Variants in EXOC2 observed in about 807,000 individuals in gnomAD.
EXOC2 encodes exocyst complex component 2.
Under a neutral mutation model 131.8 loss-of-function variants are expected in EXOC2, and 70 were observed. That is an observed-to-expected ratio of 0.53 (90% CI 0.44 to 0.65). The LOEUF (loss-of-function observed/expected upper bound fraction) is 0.65, where lower values mean the gene tolerates loss of function less well. Ranked by LOEUF, EXOC2 falls within the 30% of genes least tolerant of loss-of-function variation. The pLI is 0.00. For synonymous variants in EXOC2, 411 were observed against 398.4 expected (o/e 1.03, Z -0.38); for missense variants, 923 against 1,108.6 (o/e 0.83, Z 2.38).
At chr6:542,059 A>G (rs990715404) in intron 22 of EXOC2, among the ~76,000 whole-genome samples, 1 of 152,266 alleles carries the variant, frequency 6.6e-6, no homozygotes, top group African/African-American at 2.4e-5. Flanking sequence ...AAAGTCAAAA[A>G]AGGTAATTTC....
chr6:572,450 A>T, intron 13 of EXOC2, 70 bp downstream of exon 13: 1 of 1,528,788 alleles, frequency 6.5e-7, no homozygotes, highest in Non-Finnish European at 8.8e-7. Context: ...AAATCACTTA[A>T]ATCTAACATT....
At chr6:626,716 C>T (rs1484462096) in intron 4 of EXOC2, among the ~76,000 whole-genome samples, 2 of 152,088 alleles carry the variant, frequency 1.3e-5, no homozygotes, top group Non-Finnish European at 2.9e-5. Context: ...CTCAGCCTCC[C>T]AAGTAGCTGA....
At chr6:553,378 T>A (rs536045098) in intron 21 of EXOC2, among the ~76,000 whole-genome samples, 29 of 116,968 alleles carry the variant, frequency 2.5e-4, no homozygotes, top group Non-Finnish European at 4.0e-4. Flanking sequence ...TGCATACATC[T>A]GTTTGTGTAT....
chr6:486,443 G>C lies in EXOC2; in HGVS notation c.*228C>G. On this transcript the variant is annotated 3_prime_UTR_variant, in exon 28 of 28. Coordinates refer to ENST00000230449, the MANE Select transcript of EXOC2 (RefSeq NM_018303.6). Reference sequence around the variant, plus strand: ...AATATATTTTAAAATGTATTTTAAAGTCATACAGGATCTGATCTAGTAAGA... The same window carrying C: ...AATATATTTTAAAATGTATTTTAAACTCATACAGGATCTGATCTAGTAAGA... 1 of 448,020 alleles carries C rather than the reference G, an allele frequency of 2.2e-6. No individual in the cohort carries two copies. The allele number at this position is 448,020 out of a possible 1,614,324, so 27.8% of individuals were successfully genotyped here.
chr6:554,517 G>A (rs1320243412), intron 20 of EXOC2, among the ~76,000 whole-genome samples: 1 of 152,004 alleles, frequency 6.6e-6, no homozygotes, highest in African/African-American at 2.4e-5. Context: ...GAAAACCTAG[G>A]AGAATTAAAA....
Position 598,327 on chromosome 6 carries a change from C to A in EXOC2, c.971-204G>T, listed in dbSNP as rs150854350. Among the ~76,000 whole-genome samples, 781 of 152,238 alleles carry A rather than the reference C, an allele frequency of 5.1e-3. 5 individuals are homozygous for A. The highest frequency in any genetic ancestry group is 0.018 in the African/African-American group (737 of 41,520). On this transcript the variant is annotated intron_variant, in intron 9 of 27. Coordinates refer to ENST00000230449, the MANE Select transcript of EXOC2 (RefSeq NM_018303.6). Reference sequence around the variant, plus strand: ...CTCACTGACCTCTAACATGTGAGGTCTGTACATTTCACTGCATGTATATTT... The same window carrying A: ...CTCACTGACCTCTAACATGTGAGGTATGTACATTTCACTGCATGTATATTT...
At chr6:534,977 A>G (rs1205790424) in intron 22 of EXOC2, among the ~76,000 whole-genome samples, 1 of 152,250 alleles carries the variant, frequency 6.6e-6, no homozygotes, top group Non-Finnish European at 1.5e-5. Flanking sequence ...AAAATCTGCA[A>G]GAGAGAACCA....
chr6:554,016 A>C, intron 20 of EXOC2, 96 bp from the exon 21 acceptor site: 1 of 941,414 alleles, frequency 1.1e-6, no homozygotes, highest in Non-Finnish European at 1.7e-6. Context: ...AATGAATTAT[A>C]TGGAAAACAT....
chr6:647,275 A>G (rs950267043), intron 1 of EXOC2, among the ~76,000 whole-genome samples: 1 of 152,104 alleles, frequency 6.6e-6, no homozygotes, highest in African/African-American at 2.4e-5. Context: ...GAAAAACAGT[A>G]GTATTAAAAC....
intron 1 of EXOC2, chr6:669,063 G>C (rs188126357): frequency 2.6e-5 from 4 of 152,356 alleles, no homozygotes; most frequent in African/African-American, 7.2e-5. Context: ...TTTGCTCCTC[G>C]AGGACAAGTA....
At chr6:552,450 A>T (rs547338681) in intron 21 of EXOC2, among the ~76,000 whole-genome samples, 1 of 152,344 alleles carries the variant, frequency 6.6e-6, no homozygotes, top group South Asian at 2.1e-4. Context: ...CAGAAGAACC[A>T]GCATTTTTCT....
intron 27 of EXOC2, among the ~76,000 whole-genome samples, chr6:488,127 C>T (rs745586267): frequency 7.2e-5 from 11 of 152,148 alleles, no homozygotes; most frequent in African/African-American, 1.2e-4. Context: ...GGCGGGGCGG[C>T]GATGCCCCCG....
intron 1 of EXOC2, among the ~76,000 whole-genome samples, chr6:664,578 T>C (rs1763556382): frequency 6.6e-6 from 1 of 152,144 alleles, no homozygotes; most frequent in African/African-American, 2.4e-5. Flanking sequence ...GTGGTACTGG[T>C]ATAAAAACAG....
intron 1 of EXOC2, among the ~76,000 whole-genome samples, chr6:660,389 G>A (rs558961416): frequency 3.7e-4 from 56 of 152,294 alleles, no homozygotes; most frequent in African/African-American, 1.3e-3. Context: ...CCCTCAGGGA[G>A]TCCATTGCAC....
At chr6:497,183 C>T (rs1450237532) in intron 25 of EXOC2, among the ~76,000 whole-genome samples, 184 bp downstream of exon 25, 1 of 152,200 alleles carries the variant, frequency 6.6e-6, no homozygotes, top group Non-Finnish European at 1.5e-5. Context: ...TGTAAAGAAA[C>T]AGAAACTCTG....
intron 13 of EXOC2, among the ~76,000 whole-genome samples, chr6:570,051 G>A (rs1226050911): frequency 6.6e-6 from 1 of 152,050 alleles, no homozygotes; most frequent in Non-Finnish European, 1.5e-5. Flanking sequence ...CCACTTGTAG[G>A]AACTGATGCA....
chr6:670,064 C>A (rs1317069602), intron 1 of EXOC2: 1 of 152,356 alleles, frequency 6.6e-6, no homozygotes, highest in Admixed American at 6.5e-5. Context: ...TCACCGACCA[C>A]TGCACAGAGA....
At chr6:660,952 G>GA (rs376761094) in intron 1 of EXOC2, among the ~76,000 whole-genome samples, 147 of 152,138 alleles carry the variant, frequency 9.7e-4, no homozygotes, top group African/African-American at 3.3e-3. Flanking sequence ...ATAGCTTAAA[G>GA]AAAAAACAAT....
chr6:581,874 T>C (rs1228808508), intron 11 of EXOC2, among the ~76,000 whole-genome samples: 1 of 152,152 alleles, frequency 6.6e-6, no homozygotes, highest in Non-Finnish European at 1.5e-5. Flanking sequence ...ATCCTCAAAA[T>C]TCCTTTTCTA....
Sources: gnomAD v4.1 joint callset for allele counts (sites outside exome capture counted in the v4.1 genomes callset) on GRCh38, gnomAD v4.1.1 for gene constraint, MANE v1.5 for transcripts, NCBI Gene and HGNC (gene_info 2026-07-23, HGNC 2026-07-21) for gene names.